The following KANK1 variants were observed in gnomAD, a reference collection of about 807,000 sequenced individuals.
KANK1 encodes the protein KN motif and ankyrin repeat domain-containing protein 1.
In KANK1, 109 loss-of-function variants were observed where a neutral mutation model predicts 106.2. The observed-to-expected ratio is 1.03, with a 90% CI of 0.88 to 1.20. KANK1 has a LOEUF of 1.20. KANK1 is among the 50% of genes most tolerant of loss of function. KANK1 has a pLI of 0.00. For missense variants in KANK1, 2,399 were observed against 1,710.7 expected, an observed-to-expected ratio of 1.40 and a Z score of -7.10; for synonymous variants, 873 against 652.2, an observed-to-expected ratio of 1.34 and a Z score of -5.16.
chr9:578,857 G>T (rs762243190), intron 1 of KANK1, among the ~76,000 whole-genome samples: 39 of 151,998 alleles, frequency 2.6e-4, no homozygotes, highest in Non-Finnish European at 5.4e-4. Context: ...TGAAATGTAG[G>T]CTCAAGCTAT....
chr9:533,025 T>C (rs1186882326), intron 1 of KANK1, among the ~76,000 whole-genome samples: 1 of 152,170 alleles, frequency 6.6e-6, no homozygotes, highest in African/African-American at 2.4e-5. Context: ...TTGGATTTTG[T>C]CCTGCAGTGA....
chr9:547,538 A>G (rs530617797), intron 1 of KANK1, among the ~76,000 whole-genome samples: 2 of 151,750 alleles, frequency 1.3e-5, no homozygotes, highest in African/African-American at 4.8e-5. Flanking sequence ...ACGGATTAAA[A>G]TAAACTGCTG....
chr9:687,385 C>T (rs1039990805), intron 2 of KANK1, among the ~76,000 whole-genome samples: 1 of 152,146 alleles, frequency 6.6e-6, no homozygotes, highest in Non-Finnish European at 1.5e-5. Flanking sequence ...ACTTTAATCT[C>T]TAACTATTAT....
chr9:711,037 T>A lies in KANK1; in HGVS notation c.271T>A (p.Ser91Thr), dbSNP rs771172011. Residue 91 changes from serine (S) to threonine (T), a missense_variant, in exon 3 of 12, where the codon TCC becomes ACC. Physicochemically the swap from Ser to Thr is moderately conservative, Grantham distance 58 (BLOSUM62 1). Transcript: ENST00000382297. ...GCAAGGTATATGGACTTCCACTGAA[T>A]CCCTCTCATCCTCCAACAGTGATGA... ...GQQGIWTSTE[S>T]LSSSNSDDNK... 57 of 1,614,086 alleles carry A rather than the reference T, an allele frequency of 3.5e-5. 1 individual carries two copies. The South Asian group carries it at 6.0e-4, about 17-fold the overall frequency.
intron 1 of KANK1, among the ~76,000 whole-genome samples, chr9:652,896 T>C (rs1841234796): frequency 6.6e-6 from 1 of 152,166 alleles, no homozygotes; most frequent in African/African-American, 2.4e-5. Flanking sequence ...GGGGAAAAAG[T>C]AGCCACCCTG....
chr9:632,512 T>A (rs1049729374), intron 1 of KANK1, among the ~76,000 whole-genome samples: 2 of 152,286 alleles, frequency 1.3e-5, no homozygotes, highest in Admixed American at 6.5e-5. Flanking sequence ...GGAGGTTTTA[T>A]GAAAAATAAA....
At position 527,096 on chromosome 9, in the gene KANK1, C is replaced by G. The variant is rs141984535; in HGVS notation, c.-84+22342C>G. 1.5e-3 allele frequency among the ~76,000 whole-genome samples: 221 copies of G among 151,876 alleles called. 8 individuals carry two copies. Among genetic ancestry groups the G allele is most frequent in the African/African-American group, 5.0e-3 (207 of 41,168 alleles). ...TTGTTTTAAGTACCTGTCACTGACTCATTCCCAAACTGAAGCCTAACCTTC... is the reference window on the plus strand; with the variant it reads ...TTGTTTTAAGTACCTGTCACTGACTGATTCCCAAACTGAAGCCTAACCTTC... On this transcript the variant is annotated intron_variant, in intron 1 of 11. Transcript: ENST00000382297.
At chr9:531,306 C>G (rs1483613238) in intron 1 of KANK1, among the ~76,000 whole-genome samples, 1 of 151,976 alleles carries the variant, frequency 6.6e-6, no homozygotes, top group African/African-American at 2.4e-5. Context: ...TGGTGCGTGC[C>G]TATAGTCCCA....
At chr9:597,673 A>AT (rs1178282465) in intron 1 of KANK1, among the ~76,000 whole-genome samples, 2 of 148,750 alleles carry the variant, frequency 1.3e-5, no homozygotes, top group African/African-American at 2.5e-5. Flanking sequence ...ATTTTTATTT[A>AT]TTTTTTTTTA....
intron 1 of KANK1, among the ~76,000 whole-genome samples, chr9:620,855 T>C (rs1008721254): frequency 6.6e-6 from 1 of 152,204 alleles, no homozygotes; most frequent in African/African-American, 2.4e-5. Context: ...TAACATCTCT[T>C]TTAAAAATGA....
intron 1 of KANK1, among the ~76,000 whole-genome samples, chr9:538,572 A>G (rs2060426851): frequency 6.6e-6 from 1 of 152,230 alleles, no homozygotes; most frequent in South Asian, 2.1e-4. Flanking sequence ...TAACTTAATT[A>G]TAGATACCTG....
chr9:701,524 C>G (rs1822660364), intron 2 of KANK1, among the ~76,000 whole-genome samples: 1 of 152,154 alleles, frequency 6.6e-6, no homozygotes. Context: ...CTAGATAATT[C>G]TTTGTTGGGG....
Position 670,950 on chromosome 9 carries a change from T to TTTTTTG in KANK1, c.-83-5935_-83-5934insGTTTTT, listed in dbSNP as rs1491540385. Among the ~76,000 whole-genome samples, 6 of 5,360 alleles carry TTTTTTG rather than the reference T, an allele frequency of 1.1e-3. 1 individual carries two copies. The highest frequency in any genetic ancestry group is 6.5e-3 in the South Asian group (1 of 154). 3.5% of individuals were successfully genotyped at this position (5,360 alleles called of 152,430 possible). A position where few individuals can be genotyped will look rare whatever the true frequency, so the allele number is the denominator to read the frequency against. ...CTGATTCTCTTACTGTCTGCTGGAG[T>TTTTTTG]TTTTTTTTTTTTTTTTTTTTTTTTT... On this transcript the variant is annotated intron_variant, in intron 1 of 11. Coordinates refer to ENST00000382297, the MANE Select transcript of KANK1 (RefSeq NM_015158.5).
chr9:575,884 G>A (rs1329182398), intron 1 of KANK1, among the ~76,000 whole-genome samples: 1 of 152,150 alleles, frequency 6.6e-6, no homozygotes, highest in Non-Finnish European at 1.5e-5. Flanking sequence ...TTAGTCAGAT[G>A]TAGTGGTGTA....
chr9:516,122 A>G (rs904526961), intron 1 of KANK1, among the ~76,000 whole-genome samples: 5 of 151,574 alleles, frequency 3.3e-5, no homozygotes, highest in Non-Finnish European at 7.4e-5. Context: ...GTGGTCTTAA[A>G]TATCTGTAAG....
intron 1 of KANK1, among the ~76,000 whole-genome samples, chr9:535,362 C>T (rs1171600607): frequency 6.6e-6 from 1 of 152,136 alleles, no homozygotes; most frequent in Non-Finnish European, 1.5e-5. Context: ...TCCTCGGGGG[C>T]TTTCCTGTGG....
chr9:533,551 A>G (rs971391704), intron 1 of KANK1, among the ~76,000 whole-genome samples: 6 of 152,222 alleles, frequency 3.9e-5, no homozygotes, highest in African/African-American at 1.4e-4. Flanking sequence ...CTCTTAGACC[A>G]TCTGATTTTT....
At chr9:688,005 T>G (rs1818952957) in intron 2 of KANK1, among the ~76,000 whole-genome samples, 2 of 152,198 alleles carry the variant, frequency 1.3e-5, no homozygotes, top group African/African-American at 4.8e-5. Context: ...TACTTTGTGC[T>G]GGCATGATGC....
At chr9:618,262 G>A (rs1019015565) in intron 1 of KANK1, among the ~76,000 whole-genome samples, 5 of 152,132 alleles carry the variant, frequency 3.3e-5, no homozygotes, top group Admixed American at 6.6e-5. Flanking sequence ...AGGCTAAAGT[G>A]CAGTGGCGTG....
Sources: gnomAD v4.1 joint callset for allele counts (sites outside exome capture counted in the v4.1 genomes callset) on GRCh38, gnomAD v4.1.1 for gene constraint, MANE v1.5 for transcripts, NCBI Gene and HGNC (gene_info 2026-07-23, HGNC 2026-07-21) for gene names.